ZYG11B: variants seen among roughly 807,000 people sequenced by gnomAD.
ZYG11B encodes the protein protein zyg-11 homolog B.
In ZYG11B, 36 loss-of-function variants were observed where a neutral mutation model predicts 82.4. That is an observed-to-expected ratio of 0.44 (90% CI 0.33 to 0.58). The LOEUF is 0.58. Ranked by LOEUF, ZYG11B falls within the 20% of genes least tolerant of loss-of-function variation. The pLI is 0.02. For missense variants in ZYG11B, 552 were observed against 895.6 expected (o/e 0.62, Z 4.90); for synonymous variants, 303 against 312.8 (o/e 0.97, Z 0.33).
chr1:52,783,896 G>GTGTGTGTATATGTACATACACA (rs1644885764), intron 4 of ZYG11B, among the ~76,000 whole-genome samples: 1 of 95,054 alleles, frequency 1.1e-5, no homozygotes, highest in Non-Finnish European at 1.8e-5. Flanking sequence ...GTACATACAC[G>GTGTGTGTATATGTACATACACA]TGTGTGTATA....
intron 1 of ZYG11B, among the ~76,000 whole-genome samples, chr1:52,741,365 A>ATT (rs1558117487): frequency 1.3e-5 from 2 of 151,584 alleles, no homozygotes; most frequent in Non-Finnish European, 2.9e-5. Context: ...CTAAGAGGAG[A>ATT]TTTTCCATGG....
At chr1:52,734,051 T>A (rs1644357577) in intron 1 of ZYG11B, among the ~76,000 whole-genome samples, 1 of 152,120 alleles carries the variant, frequency 6.6e-6, no homozygotes, top group Non-Finnish European at 1.5e-5. Flanking sequence ...CAGGCTGGAG[T>A]GCAGGGGCGT....
intron 13 of ZYG11B, 58 bp downstream of exon 13, chr1:52,816,687 C>T: frequency 7.8e-7 from 1 of 1,286,052 alleles, no homozygotes; most frequent in South Asian, 1.3e-5. Flanking sequence ...TCTCATTTCC[C>T]AGGAAAGATA....
intron 10 of ZYG11B, chr1:52,805,260 G>A (rs778090531): frequency 3.0e-6 from 1 of 338,122 alleles, no homozygotes; most frequent in East Asian, 7.5e-5. Context: ...GGGAGGCATA[G>A]ATTAGTGAGT....
intron 1 of ZYG11B, among the ~76,000 whole-genome samples, chr1:52,740,421 C>T (rs987791902): frequency 1.3e-5 from 2 of 152,146 alleles, no homozygotes; most frequent in African/African-American, 4.8e-5. Flanking sequence ...TTCAATTTGT[C>T]ATCTAGGAGT....
chr1:52,735,887 A>G (rs1644374612), intron 1 of ZYG11B, among the ~76,000 whole-genome samples: 1 of 152,168 alleles, frequency 6.6e-6, no homozygotes, highest in African/African-American at 2.4e-5. Flanking sequence ...GAGAGACAGG[A>G]CAGTAACATA....
At chr1:52,738,581 A>C (rs1038463480) in intron 1 of ZYG11B, among the ~76,000 whole-genome samples, 1 of 149,826 alleles carries the variant, frequency 6.7e-6, no homozygotes, top group Admixed American at 6.6e-5. Context: ...TGCCTATTCA[A>C]TGTCATATTT....
chr1:52,726,845 C>T (rs1309408844), intron 1 of ZYG11B, among the ~76,000 whole-genome samples, 162 bp downstream of exon 1: 2 of 151,994 alleles, frequency 1.3e-5, no homozygotes, highest in Non-Finnish European at 2.9e-5. Flanking sequence ...TTCAGCTCCT[C>T]CTTCCCCATT....
At chr1:52,795,076 G>C (rs1644996552) in intron 6 of ZYG11B, among the ~76,000 whole-genome samples, 1 of 152,154 alleles carries the variant, frequency 6.6e-6, no homozygotes, top group African/African-American at 2.4e-5. Context: ...TTGGCCCTGT[G>C]ACGCCACCCA....
chr1:52,731,111 A>G (rs867364802), intron 1 of ZYG11B, among the ~76,000 whole-genome samples: 2 of 151,986 alleles, frequency 1.3e-5, no homozygotes, highest in African/African-American at 4.8e-5. Context: ...CGTCTCTACT[A>G]AAAATGCAAA....
Position 52,822,324 on chromosome 1 carries a change from C to G in ZYG11B, c.*695C>G, listed in dbSNP as rs985086550. ...AGAAGCTTGTCCTCCATATTTATAC[C>G]TAGAAGTGTGGACTGCTGGTTCCTG... On this transcript the variant is annotated 3_prime_UTR_variant, in exon 14 of 14. Coordinates refer to ENST00000294353, the MANE Select transcript of ZYG11B (RefSeq NM_024646.3). The G allele has an allele frequency of 6.6e-6, 1 of 152,166 alleles. No homozygotes were observed. The highest frequency in any genetic ancestry group is 1.5e-5 in the Non-Finnish European group (1 of 68,034). The allele number at this position is 152,166 out of a possible 1,614,324, so 9.4% of individuals were successfully genotyped here. A position where few individuals can be genotyped will look rare whatever the true frequency, so the allele number is the denominator to read the frequency against.
chr1:52,794,100 G>C (rs535762184), intron 6 of ZYG11B, among the ~76,000 whole-genome samples: 2 of 151,704 alleles, frequency 1.3e-5, no homozygotes, highest in African/African-American at 2.4e-5. Flanking sequence ...TCAGCCTCCC[G>C]AGTAGCTGAG....
At chr1:52,773,311 TAAAAATAC>T (rs996879358) in intron 3 of ZYG11B, among the ~76,000 whole-genome samples, 20 of 151,248 alleles carry the variant, frequency 1.3e-4, no homozygotes, top group Non-Finnish European at 2.1e-4. Flanking sequence ...CCGTCTCTAC[TAAAAATAC>T]AAAAATTAGC....
At chr1:52,795,451 C>T (rs1263689017) in intron 6 of ZYG11B, among the ~76,000 whole-genome samples, 2 of 152,150 alleles carry the variant, frequency 1.3e-5, no homozygotes, top group Admixed American at 1.3e-4. Flanking sequence ...AACTAGACTC[C>T]ATGTGATCTG....
chr1:52,756,691 G>T, intron 2 of ZYG11B, 68 bp downstream of exon 2: 1 of 1,458,250 alleles, frequency 6.9e-7, no homozygotes, highest in Non-Finnish European at 9.3e-7. Context: ...AAGTGCTACA[G>T]TAGCCATTTA....
At chr1:52,818,599 A>C (rs1352637451) in intron 13 of ZYG11B, among the ~76,000 whole-genome samples, 1 of 152,132 alleles carries the variant, frequency 6.6e-6, no homozygotes, top group African/African-American at 2.4e-5. Context: ...ATAAGAGGGA[A>C]ACATTCCATA....
intron 2 of ZYG11B, among the ~76,000 whole-genome samples, chr1:52,759,158 C>G (rs932858551): frequency 6.6e-6 from 1 of 152,144 alleles, no homozygotes; most frequent in Non-Finnish European, 1.5e-5. Flanking sequence ...TCTTGAACTC[C>G]TGACCTCAAG....
intron 10 of ZYG11B, among the ~76,000 whole-genome samples, chr1:52,812,333 A>G (rs77020753): frequency 6.6e-6 from 1 of 152,084 alleles, no homozygotes. Context: ...TTGTTCTTGC[A>G]TGCAGTTACT....
chr1:52,773,559 CATTTTTAT>C, intron 3 of ZYG11B, among the ~76,000 whole-genome samples: 1 of 109,902 alleles, frequency 9.1e-6, no homozygotes, highest in Non-Finnish European at 1.7e-5. Flanking sequence ...ATTAGAAATA[CATTTTTAT>C]ATTTATACCT....
Sources: gnomAD v4.1 joint callset for allele counts (sites outside exome capture counted in the v4.1 genomes callset) on GRCh38, gnomAD v4.1.1 for gene constraint, MANE v1.5 for transcripts, NCBI Gene and HGNC (gene_info 2026-07-23, HGNC 2026-07-21) for gene names.